Variants in CA10 observed in about 807,000 individuals in gnomAD.
CA10 encodes the protein carbonic anhydrase 10 (inactive).
CA10 carries 14 observed loss-of-function variants against 44.2 expected under a neutral mutation model. The observed-to-expected ratio is 0.32, with a 90% CI of 0.21 to 0.50. The LOEUF (loss-of-function observed/expected upper bound fraction) is 0.50. CA10 is among the 20% of genes least tolerant of loss of function. The pLI, the probability that CA10 is intolerant of heterozygous loss-of-function variation, is 0.99. For synonymous variants in CA10, 159 were observed against 141.6 expected (o/e 1.12, Z -0.87); for missense variants, 350 against 409.7 (o/e 0.85, Z 1.26).
intron 4 of CA10, among the ~76,000 whole-genome samples, chr17:51,684,332 G>A (rs900536250): frequency 2.0e-5 from 3 of 152,212 alleles, no homozygotes; most frequent in Non-Finnish European, 4.4e-5. Flanking sequence ...AGAACTATAA[G>A]ATAATAAATG....
intron 2 of CA10, among the ~76,000 whole-genome samples, chr17:52,054,125 G>A (rs533258247): frequency 4.5e-4 from 68 of 152,278 alleles, no homozygotes; most frequent in African/African-American, 1.3e-3. Context: ...TGAGCCAGGC[G>A]GAACAGAGTC....
At chr17:51,973,193 T>A (rs571433316) in intron 2 of CA10, among the ~76,000 whole-genome samples, 1 of 152,366 alleles carries the variant, frequency 6.6e-6, no homozygotes, top group Non-Finnish European at 1.5e-5. Context: ...AACACAAGGC[T>A]GTGATCTGTG....
chr17:51,794,887 G>A (rs1427275455), intron 3 of CA10, among the ~76,000 whole-genome samples: 1 of 152,108 alleles, frequency 6.6e-6, no homozygotes, highest in African/African-American at 2.4e-5. Context: ...CTTTAAATAG[G>A]GTTTATTGTA....
intron 4 of CA10, among the ~76,000 whole-genome samples, chr17:51,664,767 G>T (rs907575073): frequency 6.6e-5 from 10 of 151,982 alleles, no homozygotes; most frequent in Non-Finnish European, 1.2e-4. Flanking sequence ...ATGATATTTC[G>T]GGAGACCACA....
chr17:51,684,075 A>G lies in CA10; in HGVS notation c.466-30339T>C, dbSNP rs139018084. Among the ~76,000 whole-genome samples, 104 of 152,336 alleles carry G rather than the reference A, an allele frequency of 6.8e-4. 1 individual carries two copies. The East Asian group carries it at 9.8e-3, about 14-fold the overall frequency. On this transcript the variant is annotated intron_variant, in intron 4 of 8. Transcript: ENST00000451037. ...TAAGGGTCTTGAGAAGAAGGGGGAG[A>G]TTATCCTGGATTATCTAAGTGAGCA...
chr17:52,032,129 C>T (rs1259236001), intron 2 of CA10, among the ~76,000 whole-genome samples: 1 of 152,180 alleles, frequency 6.6e-6, no homozygotes, highest in Non-Finnish European at 1.5e-5. Context: ...ACTATCACTA[C>T]AGCCCAGTGA....
chr17:52,138,180 CCCTT>C (rs1989400583), intron 1 of CA10, among the ~76,000 whole-genome samples: 1 of 152,008 alleles, frequency 6.6e-6, no homozygotes, highest in South Asian at 2.1e-4. Flanking sequence ...TCTGGTAACT[CCCTT>C]CCTTCCTCTT....
Position 52,158,705 on chromosome 17 carries a change from T to C in CA10, c.-919A>G, listed in dbSNP as rs1471762919. On this transcript the variant is annotated 5_prime_UTR_variant, in exon 1 of 9. Transcript: ENST00000451037. ...GCAACTAGCGCCGCTGTCGAGATTTTCCGCAATACAACTGCAGGGGTCGTT... is the reference window on the plus strand; with the variant it reads ...GCAACTAGCGCCGCTGTCGAGATTTCCCGCAATACAACTGCAGGGGTCGTT... 3 of 152,532 alleles carry C rather than the reference T, an allele frequency of 2.0e-5. No homozygotes were observed. Among genetic ancestry groups the C allele is most frequent in the Admixed American group, 2.0e-4 (3 of 15,292 alleles). The allele number at this position is 152,532 out of a possible 1,614,324, so 9.4% of individuals were successfully genotyped here.
intron 1 of CA10, among the ~76,000 whole-genome samples, chr17:52,140,643 T>C (rs1305014068): frequency 6.6e-6 from 1 of 152,208 alleles, no homozygotes; most frequent in Non-Finnish European, 1.5e-5. Flanking sequence ...GCCCCTGCTC[T>C]AGAGTTCCAA....
chr17:52,097,967 T>C (rs1290924220), intron 1 of CA10, among the ~76,000 whole-genome samples: 1 of 152,206 alleles, frequency 6.6e-6, no homozygotes, highest in East Asian at 1.9e-4. Flanking sequence ...CCCCGTCACC[T>C]GGCCACTCTT....
intron 3 of CA10, among the ~76,000 whole-genome samples, chr17:51,835,132 A>C (rs1908428693): frequency 6.6e-6 from 1 of 152,180 alleles, no homozygotes; most frequent in African/African-American, 2.4e-5. Flanking sequence ...TTGCAACTGG[A>C]CATCAGCTTC....
At chr17:51,961,952 T>A (rs1223910226) in intron 2 of CA10, among the ~76,000 whole-genome samples, 1 of 151,990 alleles carries the variant, frequency 6.6e-6, no homozygotes, top group Non-Finnish European at 1.5e-5. Flanking sequence ...CCCTCTCCAC[T>A]TCATGCCCAA....
At chr17:51,710,611 G>A (rs535510676) in intron 4 of CA10, among the ~76,000 whole-genome samples, 1 of 152,194 alleles carries the variant, frequency 6.6e-6, no homozygotes, top group Non-Finnish European at 1.5e-5. Context: ...TTGTTTTTCT[G>A]AGAAAAGAAG....
At chr17:51,842,913 T>C (rs1385364940) in intron 3 of CA10, among the ~76,000 whole-genome samples, 1 of 152,208 alleles carries the variant, frequency 6.6e-6, no homozygotes, top group Non-Finnish European at 1.5e-5. Context: ...CTATGCAGAA[T>C]GGGTTAATTC....
intron 2 of CA10, among the ~76,000 whole-genome samples, chr17:52,031,096 G>A (rs1986452863): frequency 6.6e-6 from 1 of 151,742 alleles, no homozygotes; most frequent in Admixed American, 6.6e-5. Context: ...ATACATCAAG[G>A]CATAAGTCAA....
intron 1 of CA10, among the ~76,000 whole-genome samples, chr17:52,124,615 GC>G (rs1989080581): frequency 1.3e-5 from 2 of 152,192 alleles, no homozygotes; most frequent in African/African-American, 4.8e-5. Context: ...TGACTTTCCT[GC>G]TTTTTTCTCC....
chr17:51,875,893 T>C (rs928561489), intron 3 of CA10, among the ~76,000 whole-genome samples: 1 of 152,186 alleles, frequency 6.6e-6, no homozygotes, highest in Admixed American at 6.5e-5. Context: ...TTCCAGAATG[T>C]TCTATAAATG....
chr17:51,858,995 G>T (rs1979178117), intron 3 of CA10, among the ~76,000 whole-genome samples: 1 of 152,012 alleles, frequency 6.6e-6, no homozygotes, highest in Non-Finnish European at 1.5e-5. Context: ...ATAGGATGTG[G>T]TGGGAATTAA....
chr17:51,909,629 C>T (rs998450714), intron 3 of CA10, among the ~76,000 whole-genome samples: 2 of 152,166 alleles, frequency 1.3e-5, no homozygotes, highest in Non-Finnish European at 2.9e-5. Flanking sequence ...GACCCCATTT[C>T]AGGGAATCTT....
Sources: allele counts gnomAD v4.1 joint callset (sites outside exome capture counted in the v4.1 genomes callset), GRCh38; gene constraint gnomAD v4.1.1; transcripts MANE v1.5; gene names NCBI Gene and HGNC (gene_info 2026-07-23, HGNC 2026-07-21).